The following GALNTL6 variants were observed in gnomAD, a reference collection of about 807,000 sequenced individuals.
GALNTL6 encodes the protein polypeptide N-acetylgalactosaminyltransferase like 6.
GALNTL6 carries 46 observed loss-of-function variants against 73.7 expected under a neutral mutation model. The ratio of observed to expected loss-of-function variants is 0.62; its 90% confidence interval spans 0.49 to 0.80. The LOEUF (loss-of-function observed/expected upper bound fraction) is 0.80, where lower values mean the gene tolerates loss of function less well. Ranked by LOEUF, GALNTL6 falls within the 30% of genes least tolerant of loss-of-function variation. GALNTL6 has a pLI of 0.00. For missense variants in GALNTL6, 604 were observed against 755.0 expected, an observed-to-expected ratio of 0.80 and a Z score of 2.34; for synonymous variants, 259 against 263.7, an observed-to-expected ratio of 0.98 and a Z score of 0.17.
chr4:172,687,535 G>A (rs1732993847), intron 5 of GALNTL6, among the ~76,000 whole-genome samples: 1 of 151,238 alleles, frequency 6.6e-6, no homozygotes, highest in Admixed American at 6.6e-5. Flanking sequence ...GGCTGGGGAA[G>A]GAGAATCGCT....
intron 10 of GALNTL6, among the ~76,000 whole-genome samples, chr4:172,969,902 A>G (rs1750496059): frequency 6.6e-6 from 1 of 152,158 alleles, no homozygotes; most frequent in Non-Finnish European, 1.5e-5. Flanking sequence ...GTTTATTTCT[A>G]TTTTCCCTAA....
intron 5 of GALNTL6, among the ~76,000 whole-genome samples, chr4:172,488,106 C>T (rs1488501958): frequency 2.6e-5 from 4 of 152,118 alleles, no homozygotes; most frequent in Non-Finnish European, 5.9e-5. Context: ...AGACTAAACC[C>T]GTGGAGGTGT....
intron 2 of GALNTL6, among the ~76,000 whole-genome samples, chr4:172,075,667 T>C (rs942896354): frequency 2.6e-5 from 4 of 152,086 alleles, no homozygotes; most frequent in African/African-American, 9.7e-5. Flanking sequence ...AAAAATATTC[T>C]GGTAAAGTTT....
Position 172,071,751 on chromosome 4 carries a change from CA to C in GALNTL6, c.139-157902del, listed in dbSNP as rs777454096. On this transcript the variant is annotated intron_variant, in intron 2 of 12. Transcript: ENST00000506823. ...AGTATCTTGCATTTTGGCAGAGACT[CA>C]AATGCAGGCGGAAGAGTGGGAAAGC... Among the ~76,000 whole-genome samples, 3 of 149,870 alleles carry C rather than the reference CA, an allele frequency of 2.0e-5. 1 individual carries two copies. Among genetic ancestry groups the C allele is most frequent in the Non-Finnish European group, 4.4e-5 (3 of 67,508 alleles).
At chr4:172,650,456 G>A (rs992558262) in intron 5 of GALNTL6, among the ~76,000 whole-genome samples, 24 of 152,238 alleles carry the variant, frequency 1.6e-4, no homozygotes, top group East Asian at 3.9e-4. Context: ...TTTTCTTAAT[G>A]AGTCAGGAAA....
chr4:172,049,726 G>A (rs1451591435), intron 2 of GALNTL6, among the ~76,000 whole-genome samples: 1 of 152,090 alleles, frequency 6.6e-6, no homozygotes, highest in Non-Finnish European at 1.5e-5. Flanking sequence ...GCTCATGCCT[G>A]TAATCCCAGC....
At position 172,348,212 on chromosome 4, in the gene GALNTL6, T is replaced by A. The variant is rs1238141497; in HGVS notation, c.387-311T>A. On this transcript the variant is annotated intron_variant, in intron 4 of 12. Coordinates refer to ENST00000506823, the MANE Select transcript of GALNTL6 (RefSeq NM_001034845.3). ...AAACAGTTTTAATGCATATTACTCA[T>A]CCTTATTTCTATTATATAACAACAG... 4.6e-5 allele frequency among the ~76,000 whole-genome samples: 7 copies of A among 152,326 alleles called. No homozygotes were observed. The East Asian group carries it at 1.4e-3, about 29-fold the overall frequency.
At chr4:172,974,049 C>A (rs1237353872) in intron 10 of GALNTL6, among the ~76,000 whole-genome samples, 2 of 152,110 alleles carry the variant, frequency 1.3e-5, no homozygotes, top group Non-Finnish European at 2.9e-5. Flanking sequence ...ATAAGAAAGA[C>A]AAAGTATACA....
chr4:172,577,488 C>T (rs555205414), intron 5 of GALNTL6, among the ~76,000 whole-genome samples: 7 of 152,200 alleles, frequency 4.6e-5, no homozygotes, highest in South Asian at 2.1e-4. Context: ...AAACTAAGAA[C>T]GCCCCACAGG....
chr4:172,343,089 G>A (rs995580060), intron 4 of GALNTL6, among the ~76,000 whole-genome samples: 1 of 152,114 alleles, frequency 6.6e-6, no homozygotes, highest in African/African-American at 2.4e-5. Context: ...AAATTTGGGG[G>A]TGGTCATTAC....
intron 5 of GALNTL6, among the ~76,000 whole-genome samples, chr4:172,589,115 T>A (rs1737539735): frequency 1.3e-5 from 2 of 152,162 alleles, no homozygotes. Context: ...GAACATCAGT[T>A]CCATAATGGG....
chr4:172,286,481 A>T (rs1561006613), intron 3 of GALNTL6, among the ~76,000 whole-genome samples: 1 of 152,224 alleles, frequency 6.6e-6, no homozygotes. Context: ...TCAACGTCCA[A>T]GACAGTGCAT....
intron 2 of GALNTL6, among the ~76,000 whole-genome samples, chr4:172,201,172 G>A (rs996773281): frequency 8.0e-5 from 12 of 149,950 alleles, no homozygotes; most frequent in African/African-American, 3.0e-4. Context: ...CTTTAGTTGG[G>A]AGTTGTTTTT....
At chr4:172,521,581 C>A (rs1734775486) in intron 5 of GALNTL6, among the ~76,000 whole-genome samples, 1 of 152,050 alleles carries the variant, frequency 6.6e-6, no homozygotes, top group South Asian at 2.1e-4. Context: ...TACTTTCATT[C>A]CAGGAATGGG....
chr4:172,450,350 C>A (rs1732167342), intron 5 of GALNTL6, among the ~76,000 whole-genome samples: 1 of 152,088 alleles, frequency 6.6e-6, no homozygotes, highest in African/African-American at 2.4e-5. Context: ...TCCTTCATCT[C>A]ATTCTTTTTT....
intron 5 of GALNTL6, among the ~76,000 whole-genome samples, chr4:172,545,318 T>C (rs913704014): frequency 1.3e-5 from 2 of 152,162 alleles, no homozygotes; most frequent in African/African-American, 2.4e-5. Flanking sequence ...CTGTAAGAGC[T>C]GTGAAGAAAA....
intron 7 of GALNTL6, among the ~76,000 whole-genome samples, chr4:172,872,059 C>T (rs1474591360): frequency 6.6e-6 from 1 of 152,144 alleles, no homozygotes; most frequent in Non-Finnish European, 1.5e-5. Flanking sequence ...TCTCAAAGTG[C>T]TGGGATTACA....
chr4:172,490,264 A>G (rs902852326), intron 5 of GALNTL6, among the ~76,000 whole-genome samples: 1 of 152,180 alleles, frequency 6.6e-6, no homozygotes, highest in Non-Finnish European at 1.5e-5. Flanking sequence ...GTTGGTTGTA[A>G]GGTTGCAATG....
At chr4:172,135,881 A>G (rs1184490392) in intron 2 of GALNTL6, among the ~76,000 whole-genome samples, 1 of 152,186 alleles carries the variant, frequency 6.6e-6, no homozygotes, top group Non-Finnish European at 1.5e-5. Context: ...GGAAGTTGAA[A>G]CACTAGTTTT....
Sources: gnomAD v4.1 joint callset for allele counts (sites outside exome capture counted in the v4.1 genomes callset) on GRCh38, gnomAD v4.1.1 for gene constraint, MANE v1.5 for transcripts, NCBI Gene and HGNC (gene_info 2026-07-23, HGNC 2026-07-21) for gene names.